The following AKT1 variants were observed in gnomAD, a reference collection of about 807,000 sequenced individuals.
AKT1 encodes AKT serine/threonine kinase 1, also known as RAC-alpha serine/threonine-protein kinase.
In AKT1, 21 loss-of-function variants were observed where a neutral mutation model predicts 63.1. That is an observed-to-expected ratio of 0.33 (90% CI 0.24 to 0.48). The LOEUF is 0.48. AKT1 is among the 20% of genes least tolerant of loss of function. The pLI, the probability that AKT1 is intolerant of heterozygous loss-of-function variation, is 0.99. For missense variants in AKT1, 382 were observed against 666.0 expected (o/e 0.57, Z 4.69); for synonymous variants, 257 against 253.1 (o/e 1.02, Z -0.15).
intron 3 of AKT1, among the ~76,000 whole-genome samples, chr14:104,782,081 G>A (rs897551362): frequency 9.9e-5 from 15 of 151,920 alleles, no homozygotes; most frequent in East Asian, 3.9e-4. Context: ...CGCCTCCCAC[G>A]TCCCCTCCCC....
intron 13 of AKT1, chr14:104,771,179 CTTG>C (rs1469488612): frequency 3.1e-6 from 1 of 324,414 alleles, no homozygotes; most frequent in African/African-American, 2.1e-5. Flanking sequence ...CTTTTTCTTT[CTTG>C]TTTTCTTATT....
chr14:104,770,082 A>G lies in AKT1; in HGVS notation c.*259T>C, dbSNP rs1294837237. 28 of 565,002 alleles carry G rather than the reference A, an allele frequency of 5.0e-5. No individual in the cohort carries two copies. The highest frequency in any genetic ancestry group is 8.6e-5 in the Non-Finnish European group (27 of 314,468). The allele number at this position is 565,002 out of a possible 1,614,324, so 35.0% of individuals were successfully genotyped here. ...CTTAACATTTCCCTACGTGAATCGG[A>G]TTGTTCTGAGGGCTGAGGCCACACC... On this transcript the variant is annotated 3_prime_UTR_variant, in exon 15 of 15. Transcript: ENST00000649815.
At position 104,770,027 on chromosome 14, in the gene AKT1, A is replaced by C; in HGVS notation, c.*314T>G. On this transcript the variant is annotated 3_prime_UTR_variant, in exon 15 of 15. Transcript: ENST00000649815. ...ATGGGCAGGACCTGCCCGGCCCCCC[A>C]ATGCCACATTGCGCATAGCTGCAGA... 2.1e-6 allele frequency: 1 copy of C among 480,694 alleles called. No individual in the cohort carries two copies. The highest frequency in any genetic ancestry group is 3.8e-5 in the East Asian group (1 of 26,426). 29.8% of individuals were successfully genotyped at this position (480,694 alleles called of 1,614,324 possible). A position where few individuals can be genotyped will look rare whatever the true frequency, so the allele number is the denominator to read the frequency against.
At chr14:104,784,600 T>C (rs754085942) in intron 3 of AKT1, among the ~76,000 whole-genome samples, 10 of 152,038 alleles carry the variant, frequency 6.6e-5, no homozygotes, top group Non-Finnish European at 1.3e-4. Flanking sequence ...CCAGAAGTCC[T>C]CCTGGACCAA....
intron 3 of AKT1, among the ~76,000 whole-genome samples, chr14:104,786,977 T>C (rs1190118373): frequency 6.6e-6 from 1 of 151,852 alleles, no homozygotes; most frequent in Non-Finnish European, 1.5e-5. Context: ...ACCCCTGAGC[T>C]GGACAACCAG....
intron 3 of AKT1, among the ~76,000 whole-genome samples, chr14:104,780,716 C>CA (rs531355356): frequency 4.6e-5 from 7 of 152,102 alleles, no homozygotes; most frequent in Admixed American, 4.6e-4. Flanking sequence ...CATGGCCGCC[C>CA]CCCCCGCCCC....
Position 104,773,235 on chromosome 14 carries a change from C to G in AKT1, c.957+16G>C. Reference sequence around the variant, plus strand: ...GGGGACGCAGCAACGCGTATGCACGCAGGTGGGGCGCACACCTCGGGGGCC... The same window carrying G: ...GGGGACGCAGCAACGCGTATGCACGGAGGTGGGGCGCACACCTCGGGGGCC... On this transcript the variant is annotated intron_variant, in intron 11 of 14. Transcript: ENST00000649815. 1 of 1,614,108 alleles carries G rather than the reference C, an allele frequency of 6.2e-7. No individual in the cohort carries two copies. The highest frequency in any genetic ancestry group is 8.5e-7 in the Non-Finnish European group (1 of 1,179,970).
intron 3 of AKT1, among the ~76,000 whole-genome samples, chr14:104,780,713 G>GCCCCCC: frequency 6.6e-6 from 1 of 150,836 alleles, no homozygotes; most frequent in African/African-American, 2.4e-5. Context: ...CAGCATGGCC[G>GCCCCCC]CCCCCCCCGC....
chr14:104,774,668 G>T, intron 8 of AKT1: 1 of 493,144 alleles, frequency 2.0e-6, no homozygotes, highest in Non-Finnish European at 3.6e-6. Flanking sequence ...GGGAGCTGGG[G>T]CCTCCTGGAG....
chr14:104,777,371 CCACACCTGGGGCACACG>C lies in AKT1; in HGVS notation c.176-618_176-602del, dbSNP rs906494135. 1.2e-4 allele frequency: 29 copies of C among 241,900 alleles called. 1 individual carries two copies. Among genetic ancestry groups the C allele is most frequent in the African/African-American group, 1.8e-4 (7 of 39,164 alleles). The allele number at this position is 241,900 out of a possible 1,614,324, so 15.0% of individuals were successfully genotyped here. ...GGGCACACACACACTGGAGGCAAAG[CCACACCTGGGGCACACG>C]CACACCTGAGGCACACACCTGGGGC... On this transcript the variant is annotated intron_variant, in intron 4 of 14. Transcript: ENST00000649815.
rs1296782302 is a variant in AKT1, at chr14:104,776,668, G to A, written c.278C>T (p.Pro93Leu). Residue 93 changes from proline (P) to leucine (L), a missense_variant, in exon 5 of 15, where the codon CCT becomes CTT. Physicochemically the swap from Pro to Leu is moderately conservative, Grantham distance 98. Transcript: ENST00000649815. ...VIERTFHVETPEEREEWTTAI... is the reference protein window; with the variant it reads ...VIERTFHVETLEEREEWTTAI... ...GCCACAGCCCACGTACCGCTCCTCA[G>A]GAGTCTCCACATGGAAGGTGCGTTC... 2 of 1,613,212 alleles carry A rather than the reference G, an allele frequency of 1.2e-6. No homozygotes were observed. The highest frequency in any genetic ancestry group is 1.7e-6 in the Non-Finnish European group (2 of 1,179,718).
chr14:104,782,309 G>A (rs929112251), intron 3 of AKT1, among the ~76,000 whole-genome samples: 26 of 152,148 alleles, frequency 1.7e-4, no homozygotes, highest in Non-Finnish European at 3.2e-4. Context: ...CTAACTGAGC[G>A]GGAAGACTGA....
chr14:104,780,523 G>A (rs1347805560), intron 3 of AKT1, among the ~76,000 whole-genome samples: 2 of 152,170 alleles, frequency 1.3e-5, no homozygotes, highest in African/African-American at 2.4e-5. Flanking sequence ...GAAGAGGTCT[G>A]GGCCAGTCTG....
At chr14:104,772,776 G>A (rs542504768) in intron 12 of AKT1, 102 bp downstream of exon 12, 1 of 1,256,010 alleles carries the variant, frequency 8.0e-7, no homozygotes, top group South Asian at 1.4e-5. Context: ...TTGGCTATCA[G>A]TGTAGTCTGG....
At chr14:104,770,680 C>T in intron 14 of AKT1, 65 bp downstream of exon 14, 6 of 1,438,930 alleles carry the variant, frequency 4.2e-6, no homozygotes, top group Non-Finnish European at 5.8e-6. Flanking sequence ...AAAAGCTGAA[C>T]ACTGCAGGCC....
intron 3 of AKT1, among the ~76,000 whole-genome samples, chr14:104,780,712 C>CA (rs1892984044): frequency 7.1e-6 from 1 of 140,070 alleles, no homozygotes; most frequent in African/African-American, 3.2e-5. Context: ...CCAGCATGGC[C>CA]GCCCCCCCCG....
chr14:104,787,385 A>G (rs1893389720), intron 3 of AKT1, among the ~76,000 whole-genome samples: 1 of 151,970 alleles, frequency 6.6e-6, no homozygotes. Context: ...GACTAGGCAC[A>G]ATGGTCCAAG....
intron 3 of AKT1, among the ~76,000 whole-genome samples, chr14:104,786,747 G>A (rs894940234): frequency 2.6e-5 from 4 of 152,126 alleles, no homozygotes; most frequent in Admixed American, 6.5e-5. Context: ...CTGATCCCCC[G>A]GCCTGCTGGG....
Position 104,772,951 on chromosome 14 carries a change from G to A in AKT1, c.1099C>T (p.Arg367Cys), listed in dbSNP as rs762705090. Residue 367 changes from arginine to cysteine, a missense_variant, in exon 12 of 15, where the codon CGC (arginine) becomes TGC (cysteine). By Grantham distance (180) the Arg-to-Cys change is radical. Coordinates refer to ENST00000649815, the MANE Select transcript of AKT1 (RefSeq NM_001382430.1). ...TCGGGACCAAGCGTGCGCGGGAAGC[G>A]GATCTCCTCCATGAGGATGAGCTCA... ...LFELILMEEI[R>C]FPRTLGPEAK... 8 of 1,613,950 alleles carry A rather than the reference G, an allele frequency of 5.0e-6. No homozygotes were observed. Among genetic ancestry groups the A allele is most frequent in the Admixed American group, 1.7e-5 (1 of 59,998 alleles).
Sources: gnomAD v4.1 joint callset for allele counts (sites outside exome capture counted in the v4.1 genomes callset) on GRCh38, gnomAD v4.1.1 for gene constraint, MANE v1.5 for transcripts, NCBI Gene and HGNC (gene_info 2026-07-23, HGNC 2026-07-21) for gene names.